Variants in KRIT1 observed in about 807,000 individuals in gnomAD.
KRIT1 encodes the protein krev interaction trapped protein 1.
A neutral mutation model predicts 95.8 loss-of-function variants in KRIT1; 45 were observed. The ratio of observed to expected loss-of-function variants is 0.47; its 90% confidence interval spans 0.37 to 0.60. The LOEUF (loss-of-function observed/expected upper bound fraction) is 0.60. Ranked by LOEUF, KRIT1 falls within the 20% of genes least tolerant of loss-of-function variation. KRIT1 has a pLI of 0.00. For synonymous variants in KRIT1, 282 were observed against 278.8 expected, an observed-to-expected ratio of 1.01 and a Z score of -0.11; for missense variants, 788 against 877.5, an observed-to-expected ratio of 0.90 and a Z score of 1.29.
At chr7:92,201,245 T>TA (rs1790065882) in intron 18 of KRIT1, 62 bp downstream of exon 18, 2 of 840,362 alleles carry the variant, frequency 2.4e-6, no homozygotes, top group Non-Finnish European at 2.1e-6. Context: ...GTCACTTTTT[T>TA]AAAAAAAGAA....
At chr7:92,211,204 A>C (rs1792728893) in intron 17 of KRIT1, among the ~76,000 whole-genome samples, 1 of 152,212 alleles carries the variant, frequency 6.6e-6, no homozygotes, top group Non-Finnish European at 1.5e-5. Context: ...AAAGGAAATC[A>C]GTGGGATCCT....
chr7:92,209,585 T>C (rs1473290828), intron 17 of KRIT1, among the ~76,000 whole-genome samples: 1 of 151,678 alleles, frequency 6.6e-6, no homozygotes, highest in East Asian at 1.9e-4. Flanking sequence ...GAAAAAGAAA[T>C]CAAGAAAGCA....
chr7:92,218,219 TA>T lies in KRIT1; in HGVS notation c.1564-3443del, dbSNP rs372159184. Among the ~76,000 whole-genome samples, 11 of 150,386 alleles carry T rather than the reference TA, an allele frequency of 7.3e-5. No homozygotes were observed. The East Asian group carries it at 1.6e-3, about 21-fold the overall frequency. ...GGTGTGTGCCACCACGCCAGGCTAT[TA>T]AAAAAAAACAAAGACAAAGACAAAA... On this transcript the variant is annotated intron_variant, in intron 14 of 18. Coordinates refer to ENST00000394505, the MANE Select transcript of KRIT1 (RefSeq NM_194454.3).
chr7:92,215,841 T>C (rs1793856676), intron 14 of KRIT1, among the ~76,000 whole-genome samples: 1 of 152,166 alleles, frequency 6.6e-6, no homozygotes, highest in South Asian at 2.1e-4. Flanking sequence ...ACAGAATATA[T>C]TCCTACTTGT....
intron 18 of KRIT1, among the ~76,000 whole-genome samples, chr7:92,201,022 G>T (rs1360666995): frequency 6.6e-6 from 1 of 152,168 alleles, no homozygotes; most frequent in Non-Finnish European, 1.5e-5. Flanking sequence ...GGTAGGTCAA[G>T]GACAGGGAAG....
chr7:92,242,840 G>A (rs901080397), intron 3 of KRIT1, among the ~76,000 whole-genome samples: 1 of 152,096 alleles, frequency 6.6e-6, no homozygotes, highest in African/African-American at 2.4e-5. Flanking sequence ...GTTTTAGACA[G>A]AGTCTCGCTC....
rs1302506950 is a variant in KRIT1 at position 92,221,887 on chromosome 7, G to A, written c.1563+15C>T. 1 of 1,609,632 alleles carries A rather than the reference G, an allele frequency of 6.2e-7. No individual in the cohort carries two copies. Among genetic ancestry groups the A allele is most frequent in the Admixed American group, 1.7e-5 (1 of 59,974 alleles). ...TGTGCATTTAAATAACTGTAAATAA[G>A]ATTTCCAAGCAAACCTGTTTTTCAA... On this transcript the variant is annotated intron_variant, in intron 14 of 18. Coordinates refer to ENST00000394505, the MANE Select transcript of KRIT1 (RefSeq NM_194454.3).
intron 10 of KRIT1, among the ~76,000 whole-genome samples, chr7:92,230,784 A>T (rs1447975983): frequency 6.6e-6 from 1 of 152,190 alleles, no homozygotes; most frequent in Admixed American, 6.6e-5. Context: ...ATCATTAGGG[A>T]TAGAGAAGAA....
At chr7:92,238,063 T>C (rs1798802571) in intron 5 of KRIT1, among the ~76,000 whole-genome samples, 1 of 152,166 alleles carries the variant, frequency 6.6e-6, no homozygotes, top group African/African-American at 2.4e-5. Flanking sequence ...AGGGTCAATA[T>C]GCATATACCA....
chr7:92,214,207 T>C (rs1487756963), intron 15 of KRIT1, among the ~76,000 whole-genome samples: 1 of 152,134 alleles, frequency 6.6e-6, no homozygotes, highest in East Asian at 1.9e-4. Flanking sequence ...TTTTTGAAAA[T>C]TGAAAACCAC....
chr7:92,235,484 C>G lies in KRIT1; in HGVS notation c.648G>C (p.Lys216Asn), dbSNP rs1798245090. Residue 216 changes from lysine to asparagine, a missense_variant, in exon 8 of 19, where the codon AAG becomes AAC. By Grantham distance (94) the Lys-to-Asn change is moderately conservative. This residue lies in a region of KRIT1 where 289 missense variants were observed against 277.5 expected (regional missense o/e 1.04). Coordinates refer to ENST00000394505, the MANE Select transcript of KRIT1 (RefSeq NM_194454.3). ...LHMGYSALEIKSKMLALEKAD... is the reference protein window; with the variant it reads ...LHMGYSALEINSKMLALEKAD... ...CTTTCTCTAGGGCTAACATTTTACTCTTTATTTCTAGTGCACTATAGCCCA... is the reference window on the plus strand; with the variant it reads ...CTTTCTCTAGGGCTAACATTTTACTGTTTATTTCTAGTGCACTATAGCCCA... The G allele has an allele frequency of 1.9e-6, 3 of 1,613,476 alleles. No homozygotes were observed. The highest frequency in any genetic ancestry group is 2.5e-6 in the Non-Finnish European group (3 of 1,179,444).
At chr7:92,215,226 T>C (rs1312319493) in intron 14 of KRIT1, among the ~76,000 whole-genome samples, 4 of 152,142 alleles carry the variant, frequency 2.6e-5, no homozygotes, top group South Asian at 2.1e-4. Context: ...CTAACAAATA[T>C]TATCATCAGT....
intron 13 of KRIT1, 67 bp from the exon 14 acceptor site, chr7:92,222,120 T>C: frequency 2.4e-6 from 3 of 1,231,144 alleles, no homozygotes; most frequent in Non-Finnish European, 2.4e-6. Flanking sequence ...CATAGAAACT[T>C]TGTATTAAAC....
intron 12 of KRIT1, among the ~76,000 whole-genome samples, chr7:92,224,601 AATT>A (rs765614558): frequency 5.9e-5 from 9 of 152,186 alleles, no homozygotes; most frequent in East Asian, 1.9e-4. Context: ...CTCTAAATAA[AATT>A]ATTATTTTAA....
intron 10 of KRIT1, among the ~76,000 whole-genome samples, chr7:92,234,231 A>G (rs1019745408): frequency 6.6e-6 from 1 of 152,210 alleles, no homozygotes; most frequent in Non-Finnish European, 1.5e-5. Flanking sequence ...ATGACCTGGC[A>G]ATGCCTAAGG....
At chr7:92,242,178 G>A in intron 3 of KRIT1, 41 bp from the exon 4 acceptor site, 2 of 1,113,896 alleles carry the variant, frequency 1.8e-6, no homozygotes, top group Non-Finnish European at 2.8e-6. Context: ...AAGATTAAAT[G>A]ACACATTTGA....
intron 5 of KRIT1, among the ~76,000 whole-genome samples, chr7:92,238,818 T>C (rs1798971453): frequency 6.6e-6 from 1 of 152,202 alleles, no homozygotes; most frequent in African/African-American, 2.4e-5. Flanking sequence ...TGGAAATGCT[T>C]ATAGGAGGAG....
intron 10 of KRIT1, among the ~76,000 whole-genome samples, chr7:92,227,868 T>G (rs1796510357): frequency 6.6e-6 from 1 of 151,658 alleles, no homozygotes; most frequent in Non-Finnish European, 1.5e-5. Context: ...AAAAATTAGC[T>G]GGGTGTGGTG....
intron 17 of KRIT1, among the ~76,000 whole-genome samples, chr7:92,202,512 A>G (rs1368900023): frequency 6.6e-6 from 1 of 152,234 alleles, no homozygotes; most frequent in Middle Eastern, 3.2e-3. Flanking sequence ...GAAAGTGTTC[A>G]TGGCATTTTT....
Sources: allele counts gnomAD v4.1 joint callset (sites outside exome capture counted in the v4.1 genomes callset), GRCh38; gene constraint gnomAD v4.1.1; regional missense constraint gnomAD v4.1.1; transcripts MANE v1.5; gene names NCBI Gene and HGNC (gene_info 2026-07-23, HGNC 2026-07-21).